Variants in ELAVL1 observed in about 807,000 individuals in gnomAD.
ELAVL1 encodes the protein ELAV like RNA binding protein 1, also known as ELAV-like protein 1.
ELAVL1 carries 1 observed loss-of-function variant against 28.4 expected under a neutral mutation model. That is an observed-to-expected ratio of 0.04 (90% confidence interval 0.01 to 0.17). The LOEUF (loss-of-function observed/expected upper bound fraction) is 0.17, where lower values mean the gene tolerates loss of function less well. Among genes scored for constraint, ELAVL1 ranks in the 10% least tolerant of loss-of-function variants. ELAVL1 has a pLI of 1.00. For missense variants in ELAVL1, 157 were observed against 447.2 expected (o/e 0.35, Z 5.85); for synonymous variants, 174 against 183.5 (o/e 0.95, Z 0.42).
intron 5 of ELAVL1, among the ~76,000 whole-genome samples, chr19:7,966,583 A>C (rs1984960609): frequency 6.6e-6 from 1 of 152,222 alleles, no homozygotes; most frequent in African/African-American, 2.4e-5. Context: ...AGTATACCTA[A>C]GGCAGCATCT....
chr19:7,986,241 C>T (rs1485152167), intron 2 of ELAVL1, among the ~76,000 whole-genome samples: 2 of 152,214 alleles, frequency 1.3e-5, no homozygotes, highest in African/African-American at 4.8e-5. Flanking sequence ...ACCGTGAGGG[C>T]AGGTCCCGTG....
rs922814515 is a variant in ELAVL1 at position 7,961,260 on chromosome 19, G to A, written c.*2223C>T. The A allele has an allele frequency of 2.0e-5, 3 of 152,264 alleles. No homozygotes were observed. Among genetic ancestry groups the A allele is most frequent in the African/African-American group, 7.2e-5 (3 of 41,472 alleles). The allele number at this position is 152,264 out of a possible 1,614,324, so 9.4% of individuals were successfully genotyped here. On this transcript the variant is annotated 3_prime_UTR_variant, in exon 6 of 6. Transcript: ENST00000407627. The stretch of plus-strand genomic sequence containing the variant: ...TGTTGAATGCTAGCTATGGGCATGT[G>A]TGGGAGTGAGACTCCAGGGGGAGTT...
intron 1 of ELAVL1, among the ~76,000 whole-genome samples, chr19:8,001,111 T>A (rs935878986): frequency 1.3e-5 from 2 of 152,180 alleles, no homozygotes; most frequent in African/African-American, 2.4e-5. Flanking sequence ...ATGTCACCCC[T>A]TGCTCCACAG....
At chr19:7,991,184 A>G (rs1204098048) in intron 2 of ELAVL1, among the ~76,000 whole-genome samples, 1 of 152,180 alleles carries the variant, frequency 6.6e-6, no homozygotes, top group Non-Finnish European at 1.5e-5. Context: ...GCTGTCCACA[A>G]GGTCCTCGGT....
At chr19:7,986,556 A>G (rs977699422) in intron 2 of ELAVL1, among the ~76,000 whole-genome samples, 1 of 152,182 alleles carries the variant, frequency 6.6e-6, no homozygotes, top group African/African-American at 2.4e-5. Flanking sequence ...AGGGTGAACT[A>G]AGCGTCCCCT....
At chr19:8,004,077 AAATGGAAATT>A (rs969088698) in intron 1 of ELAVL1, among the ~76,000 whole-genome samples, 3 of 152,326 alleles carry the variant, frequency 2.0e-5, no homozygotes, top group South Asian at 2.1e-4. Context: ...TTCATCTCTA[AAATGGAAATT>A]AATGGAAATT....
intron 2 of ELAVL1, among the ~76,000 whole-genome samples, chr19:7,987,673 C>G (rs370113339): frequency 1.4e-4 from 22 of 152,370 alleles, no homozygotes; most frequent in African/African-American, 5.0e-4. Flanking sequence ...CACTCTCCCC[C>G]ATCCCCAGCA....
At chr19:7,964,944 C>T (rs1984915651) in intron 5 of ELAVL1, among the ~76,000 whole-genome samples, 1 of 152,318 alleles carries the variant, frequency 6.6e-6, no homozygotes, top group Non-Finnish European at 1.5e-5. Flanking sequence ...TAAAACTGGG[C>T]TTCAGGCTAT....
At chr19:7,976,263 A>G (rs957519296) in intron 3 of ELAVL1, among the ~76,000 whole-genome samples, 8 of 145,580 alleles carry the variant, frequency 5.5e-5, no homozygotes, top group African/African-American at 1.5e-4. Flanking sequence ...TTAGCCAGGC[A>G]TGGTGGCAGG....
intron 1 of ELAVL1, among the ~76,000 whole-genome samples, chr19:7,995,448 G>C (rs1244024249): frequency 6.6e-6 from 1 of 152,104 alleles, no homozygotes; most frequent in Non-Finnish European, 1.5e-5. Context: ...TCTAGGTCTG[G>C]GAAAAGTGGA....
intron 4 of ELAVL1, 115 bp downstream of exon 4, chr19:7,973,610 C>T: frequency 7.5e-7 from 1 of 1,325,846 alleles, no homozygotes; most frequent in South Asian, 1.4e-5. Context: ...TGGTGCTGTC[C>T]TCGTTTGCGG....
rs75744398 is a variant in ELAVL1, at chr19:7,962,900, T to C, written c.*583A>G. On this transcript the variant is annotated 3_prime_UTR_variant, in exon 6 of 6. Transcript: ENST00000407627. ...TGCAGCCCGTGGCCCCCGGCCCCAGTGGTGGCCCACGCTGGACGGGCCCGC... is the reference window on the plus strand; with the variant it reads ...TGCAGCCCGTGGCCCCCGGCCCCAGCGGTGGCCCACGCTGGACGGGCCCGC... 1.3e-5 allele frequency: 2 copies of C among 152,842 alleles called. No individual in the cohort carries two copies. Among genetic ancestry groups the C allele is most frequent in the African/African-American group, 4.8e-5 (2 of 41,454 alleles). The allele number at this position is 152,842 out of a possible 1,614,324, so 9.5% of individuals were successfully genotyped here. A position where few individuals can be genotyped will look rare whatever the true frequency, so the allele number is the denominator to read the frequency against.
At chr19:7,987,737 TA>T (rs1985644581) in intron 2 of ELAVL1, among the ~76,000 whole-genome samples, 1 of 152,210 alleles carries the variant, frequency 6.6e-6, no homozygotes, top group Non-Finnish European at 1.5e-5. Flanking sequence ...TGGCTATGTC[TA>T]GGGCTACGGA....
intron 4 of ELAVL1, among the ~76,000 whole-genome samples, chr19:7,972,228 AG>A (rs1169772592): frequency 6.6e-6 from 1 of 152,202 alleles, no homozygotes; most frequent in Middle Eastern, 3.2e-3. Flanking sequence ...AAATCCCCTC[AG>A]GGTGGCCCGA....
chr19:7,988,289 G>A (rs1454560476), intron 2 of ELAVL1, among the ~76,000 whole-genome samples: 1 of 152,186 alleles, frequency 6.6e-6, no homozygotes. Flanking sequence ...AGGGCTTCTG[G>A]AGCTCAGGAC....
chr19:7,983,839 TG>T (rs1362452776), intron 2 of ELAVL1, among the ~76,000 whole-genome samples: 1 of 152,120 alleles, frequency 6.6e-6, no homozygotes, highest in East Asian at 1.9e-4. Context: ...TGATCCTGAC[TG>T]GTCCCCTAGG....
rs186461374 is a variant in ELAVL1, at chr19:7,981,622, C to T, written c.173-436G>A. Among the ~76,000 whole-genome samples the T allele has an allele frequency of 9.7e-3, 1,478 of 152,238 alleles. 9 individuals carry two copies. Among genetic ancestry groups the T allele is most frequent in the Admixed American group, 0.018 (271 of 15,286 alleles). Reference sequence around the variant, plus strand: ...CAATCCTCCCACCTCGGCCCCACCTCGACCTCCCAAAGTGTTGGGATTACA... The same window carrying T: ...CAATCCTCCCACCTCGGCCCCACCTTGACCTCCCAAAGTGTTGGGATTACA... On this transcript the variant is annotated intron_variant, in intron 2 of 5. Coordinates refer to ENST00000407627, the MANE Select transcript of ELAVL1 (RefSeq NM_001419.3). The surrounding 1 kb of genome is among the most constrained non-coding windows in gnomAD (Gnocchi z 4.2).
At chr19:7,965,962 A>C (rs146657045) in intron 5 of ELAVL1, among the ~76,000 whole-genome samples, 1 of 152,344 alleles carries the variant, frequency 6.6e-6, no homozygotes, top group African/African-American at 2.4e-5. Context: ...CAGGCTGAGA[A>C]TGCTGGGTAA....
chr19:8,000,566 A>G (rs931016486), intron 1 of ELAVL1, among the ~76,000 whole-genome samples: 6 of 152,246 alleles, frequency 3.9e-5, no homozygotes, highest in African/African-American at 1.4e-4. Context: ...CTTGGACCCA[A>G]TAATGTTTAA....
Sources: allele counts gnomAD v4.1 joint callset (sites outside exome capture counted in the v4.1 genomes callset), GRCh38; gene constraint gnomAD v4.1.1; non-coding constraint Gnocchi (gnomAD v3.1); transcripts MANE v1.5; gene names NCBI Gene and HGNC (gene_info 2026-07-23, HGNC 2026-07-21).